The following WDR70 variants were observed in gnomAD, a reference collection of about 807,000 sequenced individuals.
WDR70 encodes the protein WD repeat domain 70.
A neutral mutation model predicts 88.6 loss-of-function variants in WDR70; 53 were observed. The observed-to-expected ratio is 0.60, with a 90% CI of 0.48 to 0.75. WDR70 has a LOEUF of 0.75. Among genes scored for constraint, WDR70 ranks in the 30% least tolerant of loss-of-function variants. The pLI, the probability that WDR70 is intolerant of heterozygous loss-of-function variation, is 0.00. For synonymous variants in WDR70, 280 were observed against 270.0 expected (o/e 1.04, Z -0.36); for missense variants, 610 against 823.2 (o/e 0.74, Z 3.17).
chr5:37,559,593 C>G (rs1742427797), intron 9 of WDR70, among the ~76,000 whole-genome samples: 1 of 152,128 alleles, frequency 6.6e-6, no homozygotes, highest in Admixed American at 6.5e-5. Context: ...GCCTGTAATC[C>G]TAGCACTTCG....
chr5:37,639,857 T>C (rs543001639), intron 10 of WDR70, among the ~76,000 whole-genome samples: 2 of 152,334 alleles, frequency 1.3e-5, no homozygotes, highest in African/African-American at 4.8e-5. Flanking sequence ...ACAATAGCTG[T>C]TATTTGTTGA....
chr5:37,437,499 G>A (rs529261505), intron 5 of WDR70, among the ~76,000 whole-genome samples: 5 of 152,168 alleles, frequency 3.3e-5, no homozygotes, highest in Middle Eastern at 6.8e-3. Flanking sequence ...TGATATTAAA[G>A]TATGGTAAGC....
chr5:37,658,791 A>G (rs1056801949), intron 10 of WDR70, among the ~76,000 whole-genome samples: 2 of 152,228 alleles, frequency 1.3e-5, no homozygotes, highest in Non-Finnish European at 2.9e-5. Context: ...ATTTTTGACA[A>G]GAATGATGGG....
chr5:37,402,439 A>T (rs917877944), intron 5 of WDR70, among the ~76,000 whole-genome samples: 4 of 151,872 alleles, frequency 2.6e-5, no homozygotes, highest in Non-Finnish European at 5.9e-5. Flanking sequence ...TCAAAATGTG[A>T]ATTTCCTTTC....
chr5:37,530,531 G>C (rs893968991), intron 9 of WDR70, among the ~76,000 whole-genome samples: 1 of 151,876 alleles, frequency 6.6e-6, no homozygotes, highest in Non-Finnish European at 1.5e-5. Context: ...TTTAATCTGG[G>C]AGGGTTATAT....
At chr5:37,546,704 G>A (rs1236901625) in intron 9 of WDR70, among the ~76,000 whole-genome samples, 2 of 151,930 alleles carry the variant, frequency 1.3e-5, no homozygotes, top group Non-Finnish European at 2.9e-5. Flanking sequence ...GGAGCACCTC[G>A]GGTCAGGAGT....
chr5:37,519,070 T>A (rs1333120109), intron 9 of WDR70, among the ~76,000 whole-genome samples: 1 of 152,060 alleles, frequency 6.6e-6, no homozygotes, highest in African/African-American at 2.4e-5. Flanking sequence ...CAAAATGGAG[T>A]CTCCTATGTC....
chr5:37,410,448 A>G (rs1046464749), intron 5 of WDR70, among the ~76,000 whole-genome samples: 2 of 151,954 alleles, frequency 1.3e-5, no homozygotes, highest in Non-Finnish European at 2.9e-5. Flanking sequence ...ACCATTTGAA[A>G]TATAATTTCC....
intron 7 of WDR70, among the ~76,000 whole-genome samples, chr5:37,455,888 C>T (rs1345791840): frequency 6.6e-6 from 1 of 151,952 alleles, no homozygotes; most frequent in East Asian, 1.9e-4. Flanking sequence ...CCTTCTGACC[C>T]CCAGGTAACC....
At chr5:37,670,220 A>G (rs1441004196) in intron 10 of WDR70, among the ~76,000 whole-genome samples, 1 of 141,134 alleles carries the variant, frequency 7.1e-6, no homozygotes, top group African/African-American at 2.5e-5. Flanking sequence ...GAAAAGAAAA[A>G]AAGGGGGAGT....
At chr5:37,715,925 C>G (rs887882921) in intron 13 of WDR70, among the ~76,000 whole-genome samples, 1 of 152,090 alleles carries the variant, frequency 6.6e-6, no homozygotes, top group South Asian at 2.1e-4. Context: ...CACACACACA[C>G]GCACACACAC....
At chr5:37,423,690 G>A (rs1750024214) in intron 5 of WDR70, among the ~76,000 whole-genome samples, 1 of 149,156 alleles carries the variant, frequency 6.7e-6, no homozygotes, top group Non-Finnish European at 1.5e-5. Context: ...CAGCTTCCCA[G>A]GTAGCTAGGA....
At chr5:37,660,700 A>G (rs186059289) in intron 10 of WDR70, among the ~76,000 whole-genome samples, 13 of 152,164 alleles carry the variant, frequency 8.5e-5, no homozygotes, top group South Asian at 2.1e-4. Flanking sequence ...TTTTTTATAG[A>G]TGTCTGTGGT....
chr5:37,634,996 A>G (rs542165734), intron 10 of WDR70, among the ~76,000 whole-genome samples: 1 of 152,216 alleles, frequency 6.6e-6, no homozygotes, highest in Non-Finnish European at 1.5e-5. Context: ...GATCCTAGCT[A>G]AAAATAGGCC....
chr5:37,393,939 C>T (rs1156766560), intron 4 of WDR70, among the ~76,000 whole-genome samples: 2 of 152,098 alleles, frequency 1.3e-5, no homozygotes, highest in African/African-American at 4.8e-5. Context: ...ACCTCTACCT[C>T]GAAAAGTGCT....
At chr5:37,727,108 C>A in intron 17 of WDR70, 63 bp downstream of exon 17, 1 of 1,534,114 alleles carries the variant, frequency 6.5e-7, no homozygotes. Flanking sequence ...GAGAACATAA[C>A]AATGTTGTTT....
chr5:37,538,203 T>G (rs1288816415), intron 9 of WDR70, among the ~76,000 whole-genome samples: 3 of 152,188 alleles, frequency 2.0e-5, no homozygotes, highest in Admixed American at 6.5e-5. Flanking sequence ...TATCTTCTTC[T>G]TTTTCGCATT....
intron 9 of WDR70, among the ~76,000 whole-genome samples, chr5:37,604,469 G>A (rs1410562706): frequency 3.9e-5 from 6 of 152,070 alleles, no homozygotes; most frequent in South Asian, 2.1e-4. Flanking sequence ...GTGCTCCTTC[G>A]CTTAGGACTG....
At chr5:37,519,116 C>T (rs887658573) in intron 9 of WDR70, among the ~76,000 whole-genome samples, 1 of 152,220 alleles carries the variant, frequency 6.6e-6, no homozygotes, top group African/African-American at 2.4e-5. Flanking sequence ...ACAATCTGAT[C>T]TCTCTTTCTT....
Sources: allele counts gnomAD v4.1 joint callset (sites outside exome capture counted in the v4.1 genomes callset), GRCh38; gene constraint gnomAD v4.1.1; transcripts MANE v1.5; gene names NCBI Gene and HGNC (gene_info 2026-07-23, HGNC 2026-07-21).